The following ACCSL variants were observed in gnomAD, a reference collection of about 807,000 sequenced individuals.
ACCSL encodes the protein 1-aminocyclopropane-1-carboxylate synthase homolog (inactive) like, also known as probable inactive 1-aminocyclopropane-1-carboxylate synthase-like protein 2.
A neutral mutation model predicts 61.7 loss-of-function variants in ACCSL; 55 were observed. That is an observed-to-expected ratio of 0.89 (90% CI 0.72 to 1.12). ACCSL has a LOEUF of 1.12. Among genes scored for constraint, ACCSL ranks in the 50% most tolerant of loss-of-function variants. The probability of loss-of-function intolerance (pLI) is 0.00; values close to 1 mark genes in which losing one functional copy is unlikely to be tolerated. For missense variants in ACCSL, 632 were observed against 698.0 expected (o/e 0.91, Z 1.07); for synonymous variants, 258 against 264.3 (o/e 0.98, Z 0.23).
At chr11:44,047,144 A>G (rs772929355), upstream of ACCSL, among the ~76,000 whole-genome samples, 1 of 152,210 alleles carries the variant, frequency 6.6e-6, no homozygotes, top group Non-Finnish European at 1.5e-5. Context: ...AGGTCTCACC[A>G]TCTGTTTCCT....
At chr11:43,934,822 C>G in the ACCSL span, among the ~76,000 whole-genome samples, 1 of 152,212 alleles carries the variant, frequency 6.6e-6, no homozygotes, top group African/African-American at 2.4e-5. Context: ...ATCCCTGCTC[C>G]CCTGTGACTC....
the ACCSL span, chr11:43,926,409 T>G: frequency 5.9e-5 from 25 of 425,010 alleles, 1 homozygote; most frequent in South Asian, 4.0e-4. Flanking sequence ...CCCACAGGAC[T>G]GTATTGTTTT....
the ACCSL span, chr11:43,926,595 A>G: frequency 5.3e-6 from 2 of 376,764 alleles, no homozygotes; most frequent in South Asian, 1.9e-5. Flanking sequence ...TTACAGATAG[A>G]AGTAAACCCA....
the ACCSL span, among the ~76,000 whole-genome samples, chr11:44,039,769 G>A: frequency 3.3e-5 from 5 of 152,214 alleles, no homozygotes; most frequent in Non-Finnish European, 7.3e-5. Flanking sequence ...ATTAAAGTTT[G>A]CAAAGAGGCA....
the ACCSL span, among the ~76,000 whole-genome samples, chr11:44,010,626 G>T: frequency 2.0e-5 from 3 of 152,204 alleles, no homozygotes; most frequent in Non-Finnish European, 4.4e-5. Flanking sequence ...CACTGGCAGT[G>T]CCCTGAAGTC....
the ACCSL span, among the ~76,000 whole-genome samples, chr11:43,925,998 G>A: frequency 1.3e-5 from 2 of 152,186 alleles, no homozygotes; most frequent in African/African-American, 2.4e-5. Flanking sequence ...GCTGACGGAT[G>A]GCCCTGTGAC....
chr11:43,999,204 T>TA, the ACCSL span, among the ~76,000 whole-genome samples: 1 of 152,196 alleles, frequency 6.6e-6, no homozygotes, highest in African/African-American at 2.4e-5. Flanking sequence ...ACCGAACCCT[T>TA]ACAGTGTGCC....
the ACCSL span, chr11:43,944,728 T>C: frequency 2.0e-5 from 3 of 152,382 alleles, no homozygotes; most frequent in Non-Finnish European, 4.4e-5. Context: ...CGAATCCCTG[T>C]CTGCTTCCTA....
chr11:44,000,611 G>A, the ACCSL span, among the ~76,000 whole-genome samples: 1 of 128,662 alleles, frequency 7.8e-6, no homozygotes, highest in East Asian at 2.2e-4. Flanking sequence ...TAGTGAATGC[G>A]CCCAGCCCCC....
At chr11:43,964,071 T>TA in the ACCSL span, among the ~76,000 whole-genome samples, 6,987 of 150,650 alleles carry the variant, frequency 0.046, 266 homozygotes, top group Non-Finnish European at 0.065. Flanking sequence ...CTGAAAATAT[T>TA]AAAAAAAAAA....
At chr11:44,056,464 G>A in intron 11 of ACCSL, 138 bp downstream of exon 11, 1 of 1,240,502 alleles carries the variant, frequency 8.1e-7, no homozygotes, top group Non-Finnish European at 1.1e-6. Flanking sequence ...GTGGTAAGAT[G>A]TGAGGTTTGA....
the ACCSL span, among the ~76,000 whole-genome samples, chr11:44,038,188 A>G: frequency 4.1e-3 from 621 of 152,246 alleles, 1 homozygote; most frequent in African/African-American, 0.014. Context: ...TTGTAGAATT[A>G]AATAGGTGGT....
chr11:43,926,486 A>C, the ACCSL span: 2 of 456,050 alleles, frequency 4.4e-6, no homozygotes, highest in South Asian at 3.1e-5. Flanking sequence ...AAACAAGATT[A>C]CCAGGCTGGA....
the ACCSL span, among the ~76,000 whole-genome samples, chr11:44,021,095 T>A: frequency 6.6e-6 from 1 of 152,152 alleles, no homozygotes; most frequent in African/African-American, 2.4e-5. Context: ...TAAACATGTG[T>A]GTGCAAGTGT....
At chr11:44,050,755 T>A in intron 3 of ACCSL, 133 bp downstream of exon 3, 2 of 758,312 alleles carry the variant, frequency 2.6e-6, no homozygotes, top group Non-Finnish European at 4.3e-6. Context: ...AGAAAATGCC[T>A]AGAGCAAAAC....
the ACCSL span, among the ~76,000 whole-genome samples, chr11:43,923,915 T>C: frequency 6.6e-6 from 1 of 152,176 alleles, no homozygotes; most frequent in Non-Finnish European, 1.5e-5. Context: ...TTAGGATGAT[T>C]TCTGTGCCAT....
At chr11:43,928,198 C>T in the ACCSL span, among the ~76,000 whole-genome samples, 8 of 152,080 alleles carry the variant, frequency 5.3e-5, no homozygotes, top group East Asian at 1.9e-4. Flanking sequence ...CCACATCAGG[C>T]GTAGGAGCTG....
the ACCSL span, among the ~76,000 whole-genome samples, chr11:44,031,530 T>A: frequency 1.3e-5 from 2 of 152,036 alleles, no homozygotes; most frequent in African/African-American, 4.8e-5. Context: ...GGATTAGAAA[T>A]GCAATATATT....
intron 1 of ACCSL, 68 bp downstream of exon 1, chr11:44,048,608 T>C (rs1374697885): frequency 2.1e-6 from 3 of 1,455,396 alleles, no homozygotes; most frequent in African/African-American, 2.8e-5. Context: ...TACTGAGTCC[T>C]GGGCCAAGTG....
Sources: gnomAD v4.1 joint callset for allele counts (sites outside exome capture counted in the v4.1 genomes callset) on GRCh38, gnomAD v4.1.1 for gene constraint, MANE v1.5 for transcripts, NCBI Gene and HGNC (gene_info 2026-07-23, HGNC 2026-07-21) for gene names.